The following LRRC7 variants were observed in gnomAD, a reference collection of about 807,000 sequenced individuals.
LRRC7 encodes the protein leucine-rich repeat-containing protein 7.
Under a neutral mutation model 175.7 loss-of-function variants are expected in LRRC7, and 23 were observed. The ratio of observed to expected loss-of-function variants is 0.13; its 90% CI spans 0.09 to 0.19. The LOEUF (loss-of-function observed/expected upper bound fraction) is 0.19, where lower values mean the gene tolerates loss of function less well. LRRC7 is among the 10% of genes least tolerant of loss of function. The pLI, the probability that LRRC7 is intolerant of heterozygous loss-of-function variation, is 1.00. For synonymous variants in LRRC7, 685 were observed against 680.9 expected (o/e 1.01, Z -0.09); for missense variants, 1,354 against 1,904.7 (o/e 0.71, Z 5.38).
intron 23 of LRRC7, among the ~76,000 whole-genome samples, chr1:70,056,917 A>G (rs1661198241): frequency 6.6e-6 from 1 of 152,198 alleles, no homozygotes; most frequent in African/African-American, 2.4e-5. Context: ...AACGTCAAGC[A>G]AGATAAGTAT....
intron 25 of LRRC7, among the ~76,000 whole-genome samples, chr1:70,093,170 A>G (rs1664150384): frequency 6.6e-6 from 1 of 152,172 alleles, no homozygotes; most frequent in Admixed American, 6.6e-5. Flanking sequence ...TTTCATTACA[A>G]TAAAGAAACA....
intron 1 of LRRC7, among the ~76,000 whole-genome samples, chr1:69,594,888 A>G (rs866332207): frequency 2.0e-5 from 3 of 152,142 alleles, no homozygotes; most frequent in Non-Finnish European, 4.4e-5. Context: ...GCTGACTCTT[A>G]CTCAACCTGG....
At chr1:69,889,331 C>T (rs1021330971) in intron 7 of LRRC7, among the ~76,000 whole-genome samples, 1 of 152,296 alleles carries the variant, frequency 6.6e-6, no homozygotes, top group Admixed American at 6.5e-5. Flanking sequence ...GCTAAGATTT[C>T]TCTGTAGCAT....
chr1:70,102,456 TTG>T (rs1664866744), intron 25 of LRRC7, among the ~76,000 whole-genome samples: 1 of 152,216 alleles, frequency 6.6e-6, no homozygotes, highest in African/African-American at 2.4e-5. Context: ...TGTGGTATAG[TTG>T]GAGACTCAGA....
At chr1:69,820,841 T>C (rs1333556831) in intron 4 of LRRC7, among the ~76,000 whole-genome samples, 1 of 152,226 alleles carries the variant, frequency 6.6e-6, no homozygotes, top group Non-Finnish European at 1.5e-5. Context: ...TGTGTCTTTA[T>C]AGTAGAATGA....
intron 8 of LRRC7, among the ~76,000 whole-genome samples, chr1:69,964,650 T>C (rs1430285464): frequency 6.6e-6 from 1 of 152,220 alleles, no homozygotes; most frequent in Non-Finnish European, 1.5e-5. Flanking sequence ...GATTATTTCA[T>C]TTTAGACAGA....
intron 2 of LRRC7, among the ~76,000 whole-genome samples, chr1:69,689,872 T>C (rs1661621747): frequency 6.6e-6 from 1 of 152,188 alleles, no homozygotes; most frequent in Admixed American, 6.5e-5. Context: ...TCTCTGCACA[T>C]CCAAAATTAA....
intron 1 of LRRC7, among the ~76,000 whole-genome samples, chr1:69,669,708 G>A (rs954257053): frequency 4.6e-5 from 7 of 151,928 alleles, no homozygotes; most frequent in Admixed American, 1.3e-4. Flanking sequence ...AGATTTGCCC[G>A]TTTGAGGCTA....
chr1:69,766,540 G>C (rs1196055459), intron 3 of LRRC7, among the ~76,000 whole-genome samples: 1 of 152,088 alleles, frequency 6.6e-6, no homozygotes, highest in African/African-American at 2.4e-5. Context: ...AAGTTATACA[G>C]ATATTTTAAA....
intron 1 of LRRC7, among the ~76,000 whole-genome samples, chr1:69,569,594 G>T (rs1187859692): frequency 6.6e-6 from 1 of 151,958 alleles, no homozygotes; most frequent in Non-Finnish European, 1.5e-5. Flanking sequence ...TGGGGGCGGG[G>T]GTTGGGGGAC....
At chr1:69,846,483 G>T (rs1557803550) in intron 7 of LRRC7, among the ~76,000 whole-genome samples, 1 of 151,974 alleles carries the variant, frequency 6.6e-6, no homozygotes, top group African/African-American at 2.4e-5. Context: ...GAGGCTGAAA[G>T]CACTCAGCTT....
intron 7 of LRRC7, among the ~76,000 whole-genome samples, chr1:69,870,145 A>T (rs1685372970): frequency 6.6e-6 from 1 of 152,156 alleles, no homozygotes; most frequent in Non-Finnish European, 1.5e-5. Context: ...AGGAAGTAAG[A>T]TAGACTGCCC....
chr1:69,964,860 T>G (rs1651502670), intron 8 of LRRC7, among the ~76,000 whole-genome samples: 1 of 152,228 alleles, frequency 6.6e-6, no homozygotes, highest in South Asian at 2.1e-4. Flanking sequence ...CTAAGCAGTT[T>G]GAATCACTTG....
chr1:69,808,081 G>C (rs554855552), intron 4 of LRRC7, among the ~76,000 whole-genome samples: 1 of 151,370 alleles, frequency 6.6e-6, no homozygotes, highest in East Asian at 2.0e-4. Context: ...TCTTCTGCTT[G>C]ATCAATTCAG....
intron 1 of LRRC7, among the ~76,000 whole-genome samples, chr1:69,591,626 A>G (rs2100959351): frequency 6.6e-6 from 1 of 152,176 alleles, no homozygotes; most frequent in East Asian, 1.9e-4. Flanking sequence ...ACATAATCCA[A>G]TATCACCAAG....
intron 8 of LRRC7, among the ~76,000 whole-genome samples, chr1:69,949,296 G>T (rs1034284630): frequency 6.6e-6 from 1 of 152,104 alleles, no homozygotes; most frequent in African/African-American, 2.4e-5. Context: ...ATTAGGCTGG[G>T]CACAGTGGCT....
intron 4 of LRRC7, among the ~76,000 whole-genome samples, chr1:69,802,283 T>C (rs1010358673): frequency 4.0e-5 from 6 of 151,584 alleles, no homozygotes; most frequent in Non-Finnish European, 7.4e-5. Context: ...GTTGATTTTC[T>C]ATTTTCAATA....
intron 7 of LRRC7, among the ~76,000 whole-genome samples, chr1:69,841,094 G>A (rs1013196494): frequency 1.3e-5 from 2 of 151,984 alleles, no homozygotes; most frequent in Admixed American, 6.6e-5. Flanking sequence ...CTGTCTCAGC[G>A]TGTCTCATGA....
At chr1:69,980,187 A>G (rs1653276354) in intron 8 of LRRC7, among the ~76,000 whole-genome samples, 192 bp from the exon 9 acceptor site, 1 of 152,168 alleles carries the variant, frequency 6.6e-6, no homozygotes, top group African/African-American at 2.4e-5. Context: ...CTGATTCCAG[A>G]TCAATTCCAA....
Sources: allele counts gnomAD v4.1 joint callset (sites outside exome capture counted in the v4.1 genomes callset), GRCh38; gene constraint gnomAD v4.1.1; transcripts MANE v1.5; gene names NCBI Gene and HGNC (gene_info 2026-07-23, HGNC 2026-07-21).